Variants in ANKRD44 observed in about 807,000 individuals in gnomAD.
The protein encoded by ANKRD44 is ankyrin repeat domain 44.
Under a neutral mutation model 116.0 loss-of-function variants are expected in ANKRD44, and 35 were observed. The ratio of observed to expected loss-of-function variants is 0.30; its 90% CI spans 0.23 to 0.40. The LOEUF (loss-of-function observed/expected upper bound fraction) is 0.40, where lower values mean the gene tolerates loss of function less well. ANKRD44 is among the 10% of genes least tolerant of loss of function. The pLI is 1.00. For missense variants in ANKRD44, 1,014 were observed against 1,242.6 expected, an observed-to-expected ratio of 0.82 and a Z score of 2.77; for synonymous variants, 435 against 461.8, an observed-to-expected ratio of 0.94 and a Z score of 0.74.
At chr2:197,143,463 T>C (rs2079421803) in intron 3 of ANKRD44, among the ~76,000 whole-genome samples, 1 of 151,036 alleles carries the variant, frequency 6.6e-6, no homozygotes, top group Admixed American at 6.6e-5. Flanking sequence ...TGGTTTTTTG[T>C]TCTTGCAATA....
Position 197,199,892 on chromosome 2 carries a change from C to T in ANKRD44, c.28-12786G>A, listed in dbSNP as rs981541528. Reference sequence around the variant, plus strand: ...TATGCCATAACATATTCAATTATTCCCCTTCGAATGGGCATTTGGGTTGTT... The same window carrying T: ...TATGCCATAACATATTCAATTATTCTCCTTCGAATGGGCATTTGGGTTGTT... On this transcript the variant is annotated intron_variant, in intron 1 of 27. Transcript: ENST00000282272. 3.9e-5 allele frequency among the ~76,000 whole-genome samples: 6 copies of T among 152,218 alleles called. No individual in the cohort carries two copies. The East Asian group carries it at 1.2e-3, about 29-fold the overall frequency.
At chr2:197,263,195 G>T in intron 1 of ANKRD44, 1 of 488,770 alleles carries the variant, frequency 2.0e-6, no homozygotes. Context: ...ACCTGCAGTG[G>T]TGCTGAAATG....
Position 197,001,744 on chromosome 2 carries a change from T to C in ANKRD44, c.2435+9A>G, listed in dbSNP as rs1559408029. 6.3e-7 allele frequency: 1 copy of C among 1,592,574 alleles called. No individual in the cohort carries two copies. Among genetic ancestry groups the C allele is most frequent in the Non-Finnish European group, 8.6e-7 (1 of 1,168,678 alleles). On this transcript the variant is annotated intron_variant, in intron 22 of 27. Coordinates refer to ENST00000282272, the MANE Select transcript of ANKRD44 (RefSeq NM_001195144.2). ...AGCAACATCATTAACTCTCAGCGTT[T>C]CTACTTACATTGCACAGTGCAGTGG...
In ANKRD44 at chr2:196,998,377, T is replaced by A. The variant is rs752283807; in HGVS notation, c.2708A>T (p.Asp903Val). Residue 903 changes from aspartate to valine, a missense_variant, in exon 25 of 28, where the codon GAT becomes GTT. Physicochemically the swap from Asp to Val is radical, Grantham distance 152. Transcript: ENST00000282272. ...ATGTAAGGGTGTATTCAAGTCCTTATCCTTTACAGTCAGATCAGCCTGGGC... is the reference window on the plus strand; with the variant it reads ...ATGTAAGGGTGTATTCAAGTCCTTAACCTTTACAGTCAGATCAGCCTGGGC... ...NSAQADLTVKDKDLNTPLHLA... is the reference protein window; with the variant it reads ...NSAQADLTVKVKDLNTPLHLA... 6.2e-7 allele frequency: 1 copy of A among 1,613,988 alleles called. No homozygotes were observed. Among genetic ancestry groups the A allele is most frequent in the Admixed American group, 1.7e-5 (1 of 60,022 alleles).
intron 10 of ANKRD44, among the ~76,000 whole-genome samples, chr2:197,095,352 G>A (rs968760651): frequency 1.3e-5 from 2 of 152,216 alleles, no homozygotes; most frequent in African/African-American, 4.8e-5. Flanking sequence ...TGATAAGGCT[G>A]AACCTAGGGA....
At chr2:197,060,311 T>C (rs1443746983) in intron 16 of ANKRD44, among the ~76,000 whole-genome samples, 1 of 152,208 alleles carries the variant, frequency 6.6e-6, no homozygotes, top group Non-Finnish European at 1.5e-5. Flanking sequence ...GAATACATAA[T>C]AACAGTTGCC....
chr2:197,247,163 G>GA (rs892453947), intron 1 of ANKRD44, among the ~76,000 whole-genome samples: 2 of 152,124 alleles, frequency 1.3e-5, no homozygotes, highest in Admixed American at 6.5e-5. Flanking sequence ...CAATGTCATA[G>GA]AAAAAAATTG....
intron 1 of ANKRD44, among the ~76,000 whole-genome samples, chr2:197,254,009 A>G (rs982708395): frequency 6.6e-6 from 1 of 152,190 alleles, no homozygotes; most frequent in East Asian, 1.9e-4. Context: ...TCTGTACACA[A>G]TTCTGTAATA....
intron 1 of ANKRD44, among the ~76,000 whole-genome samples, chr2:197,228,990 G>T (rs1415796052): frequency 6.6e-6 from 1 of 152,198 alleles, no homozygotes; most frequent in Admixed American, 6.5e-5. Flanking sequence ...AGCAGAGATT[G>T]TGCCATTGCA....
At chr2:197,197,641 C>T (rs2125644518) in intron 1 of ANKRD44, among the ~76,000 whole-genome samples, 1 of 152,030 alleles carries the variant, frequency 6.6e-6, no homozygotes, top group Non-Finnish European at 1.5e-5. Flanking sequence ...GAAACCACAT[C>T]TCCACTAAAA....
At chr2:197,027,321 C>G (rs1266039232) in intron 16 of ANKRD44, among the ~76,000 whole-genome samples, 1 of 152,082 alleles carries the variant, frequency 6.6e-6, no homozygotes, top group Non-Finnish European at 1.5e-5. Flanking sequence ...GAGATTGTAC[C>G]ACTGCATTCC....
At position 197,106,728 on chromosome 2, in the gene ANKRD44, T is replaced by G. The variant is rs536041226; in HGVS notation, c.985+4038A>C. On this transcript the variant is annotated intron_variant, in intron 9 of 27. Coordinates refer to ENST00000282272, the MANE Select transcript of ANKRD44 (RefSeq NM_001195144.2). ...TGGAGTGAACCCGGGAGGCAAAGCTTGCAGTGAGCTGAGATGGTGCCACTG... is the reference window on the plus strand; with the variant it reads ...TGGAGTGAACCCGGGAGGCAAAGCTGGCAGTGAGCTGAGATGGTGCCACTG... Among the ~76,000 whole-genome samples, 367 of 150,432 alleles carry G rather than the reference T, an allele frequency of 2.4e-3. 2 individuals are homozygous for G. Among genetic ancestry groups the G allele is most frequent in the African/African-American group, 8.1e-3 (332 of 40,880 alleles).
At chr2:197,071,173 T>C (rs1357662007) in intron 16 of ANKRD44, among the ~76,000 whole-genome samples, 1 of 152,190 alleles carries the variant, frequency 6.6e-6, no homozygotes. Flanking sequence ...TTTTGTTTCA[T>C]TGAATTTCTT....
chr2:197,233,732 A>G (rs1432731629), intron 1 of ANKRD44, among the ~76,000 whole-genome samples: 1 of 152,242 alleles, frequency 6.6e-6, no homozygotes, highest in Non-Finnish European at 1.5e-5. Flanking sequence ...AGAAAAAACA[A>G]TGCAAGTAAG....
intron 2 of ANKRD44, among the ~76,000 whole-genome samples, chr2:197,151,552 A>C (rs759029649): frequency 1.3e-5 from 2 of 152,232 alleles, no homozygotes; most frequent in Non-Finnish European, 2.9e-5. Context: ...GAGGGATCAA[A>C]CTCAAAGAAT....
At chr2:197,068,390 A>AAAAAT (rs2077483409) in intron 16 of ANKRD44, among the ~76,000 whole-genome samples, 3 of 67,246 alleles carry the variant, frequency 4.5e-5, no homozygotes, top group Non-Finnish European at 8.2e-5. Context: ...AAAAAAATAA[A>AAAAAT]AAAAAAATAA....
At chr2:197,125,698 A>C in intron 5 of ANKRD44, 139 bp downstream of exon 5, 1 of 1,045,242 alleles carries the variant, frequency 9.6e-7, no homozygotes, top group Non-Finnish European at 1.4e-6. Flanking sequence ...TCTAAAGTTG[A>C]GAATGATATA....
Position 197,310,658 on chromosome 2 carries a change from C to G in ANKRD44, c.-54G>C. ...GCAGGTCCCCGGCCCGCAGATGTCA[C>G]GCCGGGAGCCGGGGAAGCGGAAGGG... On this transcript the variant is annotated 5_prime_UTR_variant, in exon 1 of 28. Coordinates refer to ENST00000282272, the MANE Select transcript of ANKRD44 (RefSeq NM_001195144.2). 7.6e-7 allele frequency: 1 copy of G among 1,314,838 alleles called. No individual in the cohort carries two copies. The highest frequency in any genetic ancestry group is 1.5e-5 in the South Asian group (1 of 66,022). 81.4% of individuals were successfully genotyped at this position (1,314,838 alleles called of 1,614,324 possible).
intron 2 of ANKRD44, among the ~76,000 whole-genome samples, chr2:197,154,866 A>G (rs1574565770): frequency 6.6e-6 from 1 of 152,186 alleles, no homozygotes; most frequent in Non-Finnish European, 1.5e-5. Flanking sequence ...GTATTCAACC[A>G]TCACACTCTG....
Sources: allele counts gnomAD v4.1 joint callset (sites outside exome capture counted in the v4.1 genomes callset), GRCh38; gene constraint gnomAD v4.1.1; transcripts MANE v1.5; gene names NCBI Gene and HGNC (gene_info 2026-07-23, HGNC 2026-07-21).